PACRGL: variants seen among roughly 807,000 people sequenced by gnomAD.
PACRGL encodes the protein PACRG-like protein.
PACRGL carries 38 observed loss-of-function variants against 34.5 expected under a neutral mutation model. That is an observed-to-expected ratio of 1.10 (90% CI 0.85 to 1.44). The LOEUF is 1.44. Ranked by LOEUF, PACRGL falls within the 40% of genes most tolerant of loss-of-function variation. PACRGL has a pLI of 0.00. For missense variants in PACRGL, 305 were observed against 281.4 expected (o/e 1.08, Z -0.60); for synonymous variants, 128 against 100.1 (o/e 1.28, Z -1.66).
intron 3 of PACRGL, among the ~76,000 whole-genome samples, chr4:20,705,138 A>G (rs1578123146): frequency 6.6e-6 from 1 of 151,528 alleles, no homozygotes. Context: ...TTGCCACAGA[A>G]TGCTTTTCGT....
intron 2 of PACRGL, 49 bp downstream of exon 2, chr4:20,704,582 C>T (rs756867672): frequency 1.2e-6 from 2 of 1,612,918 alleles, no homozygotes; most frequent in Non-Finnish European, 1.7e-6. Flanking sequence ...GTTCATGGCA[C>T]TTTCTGTGCT....
At chr4:20,737,286 T>C (rs1054860843), downstream of PACRGL, among the ~76,000 whole-genome samples, 2 of 119,484 alleles carry the variant, frequency 1.7e-5, no homozygotes, top group African/African-American at 6.9e-5. Context: ...AGGAAAGGAT[T>C]GTTCATTTTG....
the PACRGL span, among the ~76,000 whole-genome samples, chr4:20,765,148 T>C: frequency 5.2e-4 from 79 of 152,350 alleles, no homozygotes; most frequent in African/African-American, 1.6e-3. Flanking sequence ...GCACTGGAGA[T>C]ACAGGAATGA....
At chr4:20,726,595 T>C (rs1234711406) in intron 8 of PACRGL, among the ~76,000 whole-genome samples, 6 of 152,208 alleles carry the variant, frequency 3.9e-5, no homozygotes, top group African/African-American at 1.4e-4. Flanking sequence ...TATATCTCTT[T>C]CTTTCTTAAA....
intron 5 of PACRGL, among the ~76,000 whole-genome samples, chr4:20,711,309 A>G (rs1043482779): frequency 6.6e-6 from 1 of 152,194 alleles, no homozygotes; most frequent in Non-Finnish European, 1.5e-5. Context: ...CCTGTTGTCC[A>G]AATGTCAATG....
downstream of PACRGL, among the ~76,000 whole-genome samples, chr4:20,733,636 CAG>C (rs1458697021): frequency 6.6e-6 from 1 of 152,040 alleles, no homozygotes; most frequent in Non-Finnish European, 1.5e-5. Context: ...GTGTTAAACA[CAG>C]AGGTAAGAAT....
intron 8 of PACRGL, 26 bp downstream of exon 8, chr4:20,724,914 C>CTT (rs10654905): frequency 0.26 from 318,527 of 1,217,032 alleles, 27,847 homozygotes; most frequent in African/African-American, 0.39. Context: ...TTCCTTAAGT[C>CTT]TTTTTTTTTA....
intron 5 of PACRGL, chr4:20,712,568 G>T: frequency 5.4e-6 from 2 of 367,540 alleles, no homozygotes; most frequent in Non-Finnish European, 9.6e-6. Flanking sequence ...GTATCCATTG[G>T]AGGGGGGGCC....
intron 3 of PACRGL, among the ~76,000 whole-genome samples, chr4:20,707,499 A>C (rs1037278075): frequency 5.3e-5 from 8 of 152,220 alleles, no homozygotes; most frequent in Non-Finnish European, 1.2e-4. Flanking sequence ...TTCTGTACTT[A>C]ACACCCCTTC....
chr4:20,742,990 A>C (rs1445757916), intron 8 of PACRGL, among the ~76,000 whole-genome samples: 1 of 145,628 alleles, frequency 6.9e-6, no homozygotes, highest in Non-Finnish European at 1.5e-5. Flanking sequence ...TAAAATACCT[A>C]GGAATCCAAC....
Position 20,731,671 on chromosome 4 carries a change from G to A in PACRGL, c.*4330G>A, listed in dbSNP as rs1748259152. The A allele has an allele frequency of 1.0e-6, 1 of 985,080 alleles. No homozygotes were observed. The highest frequency in any genetic ancestry group is 1.7e-5 in the African/African-American group (1 of 57,208). 61.0% of individuals were successfully genotyped at this position (985,080 alleles called of 1,614,324 possible). A position where few individuals can be genotyped will look rare whatever the true frequency, so the allele number is the denominator to read the frequency against. On this transcript the variant is annotated 3_prime_UTR_variant, in exon 9 of 9. Transcript: ENST00000503585. Reference sequence around the variant, plus strand: ...TGTGGAGATATGATAGATAATATATGAGTGATGCTAAGTTTTGGCAAAGAG... The same window carrying A: ...TGTGGAGATATGATAGATAATATATAAGTGATGCTAAGTTTTGGCAAAGAG...
intron 8 of PACRGL, among the ~76,000 whole-genome samples, chr4:20,747,176 A>C (rs1466524104): frequency 6.6e-6 from 1 of 152,174 alleles, no homozygotes; most frequent in Non-Finnish European, 1.5e-5. Context: ...AATGTTATGC[A>C]TGGTTCCATA....
At chr4:20,717,910 G>C (rs1166959015) in intron 7 of PACRGL, among the ~76,000 whole-genome samples, 1 of 152,098 alleles carries the variant, frequency 6.6e-6, no homozygotes, top group African/African-American at 2.4e-5. Flanking sequence ...CATTGATTCT[G>C]TAAATTACCT....
In PACRGL at chr4:20,730,598, A is replaced by G. The variant is rs181268383; in HGVS notation, c.*3257A>G. Among the ~76,000 whole-genome samples, 138 of 152,236 alleles carry G rather than the reference A, an allele frequency of 9.1e-4. No individual in the cohort carries two copies. Among genetic ancestry groups the G allele is most frequent in the African/African-American group, 3.1e-3 (129 of 41,518 alleles). On this transcript the variant is annotated 3_prime_UTR_variant, in exon 9 of 9. Transcript: ENST00000503585. ...GCATAGGAGGCAGGGTGGTGGATTA[A>G]GAGGTAACATGTTTGCAGTAATCAT...
Position 20,727,493 on chromosome 4 carries a change from C to A in PACRGL, c.*152C>A. On this transcript the variant is annotated 3_prime_UTR_variant, in exon 9 of 9. Transcript: ENST00000503585. ...TAGACACTGAATCAAAGTTATTCATCAACAAAAAAGAACAGTTACTAATGG... is the reference window on the plus strand; with the variant it reads ...TAGACACTGAATCAAAGTTATTCATAAACAAAAAAGAACAGTTACTAATGG... The A allele has an allele frequency of 5.2e-6, 3 of 573,906 alleles. No homozygotes were observed. Among genetic ancestry groups the A allele is most frequent in the African/African-American group, 1.9e-5 (1 of 53,900 alleles). 35.6% of individuals were successfully genotyped at this position (573,906 alleles called of 1,614,324 possible).
At position 20,716,167 on chromosome 4, in the gene PACRGL, G is replaced by T. The variant is rs187746368; in HGVS notation, c.609+2628G>T. The T allele has an allele frequency of 3.6e-3, 4,783 of 1,313,810 alleles. 18 individuals are homozygous for T. Among genetic ancestry groups the T allele is most frequent in the Admixed American group, 7.5e-3 (378 of 50,586 alleles). The allele number at this position is 1,313,810 out of a possible 1,614,324, so 81.4% of individuals were successfully genotyped here. A position where few individuals can be genotyped will look rare whatever the true frequency, so the allele number is the denominator to read the frequency against. ...CTTAGGTTTGATGATTTGCCAGAAG[G>T]ATCCATGGAACTCAGGAAAGCTGTT... On this transcript the variant is annotated intron_variant, in intron 7 of 8. Transcript: ENST00000503585.
chr4:20,735,016 G>T (rs1749248343), downstream of PACRGL, among the ~76,000 whole-genome samples: 1 of 152,086 alleles, frequency 6.6e-6, no homozygotes, highest in Non-Finnish European at 1.5e-5. Flanking sequence ...AGTATAAGTG[G>T]TATTGGCTTT....
Position 20,724,829 on chromosome 4 carries a change from A to G in PACRGL, c.631A>G (p.Lys211Glu). 4 of 1,498,360 alleles carry G rather than the reference A, an allele frequency of 2.7e-6. No homozygotes were observed. Among genetic ancestry groups the G allele is most frequent in the Non-Finnish European group, 3.5e-6 (4 of 1,132,910 alleles). The allele number at this position is 1,498,360 out of a possible 1,614,324, so 92.8% of individuals were successfully genotyped here. Residue 211 changes from lysine (K) to glutamate (E), a missense_variant, in exon 8 of 9, where the codon AAG (lysine) becomes GAG (glutamate). Lys to Glu is a moderately conservative substitution (Grantham distance 56). Coordinates refer to ENST00000503585, the MANE Select transcript of PACRGL (RefSeq NM_001258345.3). The stretch of plus-strand genomic sequence containing the variant: ...AAAGCTTTCCAAGAGATTAATGGAC[A>G]AGAAATTCAAAGAGCCAATCACCAG... ...LTSLSKRLMD[K>E]KFKEPITSAL...
chr4:20,727,115 C>T (rs997554755), intron 8 of PACRGL, among the ~76,000 whole-genome samples, 170 bp from the exon 9 acceptor site: 5 of 152,138 alleles, frequency 3.3e-5, no homozygotes, highest in African/African-American at 1.2e-4. Context: ...GAGAAAGAAA[C>T]AGCCTATATT....
Sources: gnomAD v4.1 joint callset for allele counts (sites outside exome capture counted in the v4.1 genomes callset) on GRCh38, gnomAD v4.1.1 for gene constraint, MANE v1.5 for transcripts, NCBI Gene and HGNC (gene_info 2026-07-23, HGNC 2026-07-21) for gene names.